The following PCDHGA3 variants were observed in gnomAD, a reference collection of about 807,000 sequenced individuals.
PCDHGA3 encodes protocadherin gamma-A3.
In PCDHGA3, 40 loss-of-function variants were observed where a neutral mutation model predicts 58.5. The observed-to-expected ratio is 0.68, with a 90% confidence interval of 0.53 to 0.89. PCDHGA3 has a LOEUF of 0.89. Among genes scored for constraint, PCDHGA3 ranks in the 40% least tolerant of loss-of-function variants. The pLI, the probability that PCDHGA3 is intolerant of heterozygous loss-of-function variation, is 0.00. For missense variants in PCDHGA3, 1,223 were observed against 1,195.9 expected (o/e 1.02, Z -0.33); for synonymous variants, 530 against 525.7 (o/e 1.01, Z -0.11).
intron 1 of PCDHGA3, chr5:141,400,541 T>C: frequency 6.2e-7 from 1 of 1,613,832 alleles, no homozygotes; most frequent in Admixed American, 1.7e-5. Flanking sequence ...TTCATTTATG[T>C]CTATTCTTTT....
At chr5:141,354,496 G>A (rs1018182133) in intron 1 of PCDHGA3, among the ~76,000 whole-genome samples, 1 of 152,226 alleles carries the variant, frequency 6.6e-6, no homozygotes, top group African/African-American at 2.4e-5. Flanking sequence ...TGAACAGTAG[G>A]TGAGTTTTTT....
In PCDHGA3 at chr5:141,344,692, C is replaced by G. The variant is rs141617509; in HGVS notation, c.659C>G (p.Pro220Arg). 4.4e-4 allele frequency: 715 copies of G among 1,613,986 alleles called. 3 individuals carry two copies. In the African/African-American group the frequency reaches 8.4e-3, roughly 19 times the overall value. ...LVLVASDGGD[P>R]VHSGNLHIQV... is the part of the protein sequence containing the mutation. Reference sequence around the variant, plus strand: ...CTGGTTGCCTCTGATGGTGGCGACCCTGTCCACTCTGGCAACTTGCACATC... The same window carrying G: ...CTGGTTGCCTCTGATGGTGGCGACCGTGTCCACTCTGGCAACTTGCACATC... Residue 220 changes from proline to arginine, a missense_variant, in exon 1 of 4, where the codon CCT (proline) becomes CGT (arginine). Transcript: ENST00000253812.
chr5:141,405,191 C>T (rs573277021), intron 1 of PCDHGA3: 28 of 1,612,832 alleles, frequency 1.7e-5, no homozygotes, highest in South Asian at 1.6e-4. Context: ...AGATGGGGTT[C>T]GAGCTTTCCT....
chr5:141,461,988 T>A (rs771762127), intron 1 of PCDHGA3, among the ~76,000 whole-genome samples: 1 of 152,170 alleles, frequency 6.6e-6, no homozygotes, highest in Non-Finnish European at 1.5e-5. Flanking sequence ...CACGCCAGGC[T>A]AATTTTGTAT....
intron 1 of PCDHGA3, chr5:141,355,996 G>C (rs1377286666): frequency 1.2e-6 from 2 of 1,613,764 alleles, no homozygotes; most frequent in Non-Finnish European, 1.7e-6. Flanking sequence ...CACCGTAAAA[G>C]CCACTGATCC....
chr5:141,361,219 C>T, intron 1 of PCDHGA3: 2 of 1,613,924 alleles, frequency 1.2e-6, no homozygotes, highest in Non-Finnish European at 1.7e-6. Flanking sequence ...GGATTCGCCA[C>T]CAGGAACAGT....
chr5:141,419,361 T>C, intron 1 of PCDHGA3: 1 of 1,613,794 alleles, frequency 6.2e-7, no homozygotes, highest in Non-Finnish European at 8.5e-7. Context: ...TCACGAACGC[T>C]GTCGTCCTAC....
chr5:141,421,512 G>T, intron 1 of PCDHGA3: 2 of 1,614,094 alleles, frequency 1.2e-6, no homozygotes, highest in Non-Finnish European at 1.7e-6. Context: ...ACCGGGAGGA[G>T]CTCTGTGAGA....
At position 141,490,328 on chromosome 5, in the gene PCDHGA3, C is replaced by T; in HGVS notation, c.2425-4479C>T. 2 of 1,614,228 alleles carry T rather than the reference C, an allele frequency of 1.2e-6. No homozygotes were observed. Among genetic ancestry groups the T allele is most frequent in the Non-Finnish European group, 1.7e-6 (2 of 1,180,048 alleles). Reference sequence around the variant, plus strand: ...TTGGCCAACCCTGTCCTAGAGAGCACACCAGTGGGCACAGTAGTGGGGTTG... The same window carrying T: ...TTGGCCAACCCTGTCCTAGAGAGCATACCAGTGGGCACAGTAGTGGGGTTG... On this transcript the variant is annotated intron_variant, in intron 1 of 3. Coordinates refer to ENST00000253812, the MANE Select transcript of PCDHGA3 (RefSeq NM_018916.4). The surrounding 1 kb of genome is among the most constrained non-coding windows in gnomAD (Gnocchi z 5.4).
At chr5:141,396,502 C>T (rs982229069) in intron 1 of PCDHGA3, 2 of 152,106 alleles carry the variant, frequency 1.3e-5, no homozygotes, top group African/African-American at 4.8e-5. Flanking sequence ...CGCCTGTGGT[C>T]CCAGCTACTC....
intron 1 of PCDHGA3, chr5:141,392,755 T>C: frequency 6.8e-7 from 1 of 1,460,466 alleles, no homozygotes; most frequent in South Asian, 1.5e-5. Context: ...GGCAAGAAAC[T>C]AAATAAGACC....
rs776295747 is a variant in PCDHGA3, at chr5:141,345,291, A to G, written c.1258A>G (p.Ile420Val). ...CCGCGAACAAATATCAGAATATAAC[A>G]TTAGTCTGAGAGCCTCAGATGGGGG... ...LDREQISEYN[I>V]SLRASDGGSP... Residue 420 changes from isoleucine (I) to valine (V), a missense_variant, in exon 1 of 4, where the codon ATT becomes GTT. Ile to Val is a conservative substitution (Grantham distance 29, BLOSUM62 3). Coordinates refer to ENST00000253812, the MANE Select transcript of PCDHGA3 (RefSeq NM_018916.4). 25 of 1,613,860 alleles carry G rather than the reference A, an allele frequency of 1.5e-5. No homozygotes were observed. Among genetic ancestry groups the G allele is most frequent in the Non-Finnish European group, 1.9e-5 (23 of 1,179,882 alleles).
Position 141,360,906 on chromosome 5 carries a change from G to C in PCDHGA3, c.2424+14449G>C, listed in dbSNP as rs781720353. On this transcript the variant is annotated intron_variant, in intron 1 of 3. Transcript: ENST00000253812. ...TCACCCTGAGGGAGGACGTGCCGCC[G>C]GGCTTCTTTGTGCTTCAAGTGACAG... 3.1e-6 allele frequency: 5 copies of C among 1,613,894 alleles called. No homozygotes were observed. In the African/African-American group the frequency reaches 6.7e-5, roughly 22 times the overall value.
chr5:141,399,972 G>A, intron 1 of PCDHGA3: 1 of 1,612,256 alleles, frequency 6.2e-7, no homozygotes. Flanking sequence ...TCTTCAGCCT[G>A]GGGCTGCGCA....
At chr5:141,361,864 A>G in intron 1 of PCDHGA3, 2 of 1,611,862 alleles carry the variant, frequency 1.2e-6, no homozygotes, top group Non-Finnish European at 1.7e-6. Context: ...CCTCTTCGAT[A>G]TGGTGCCACG....
intron 1 of PCDHGA3, chr5:141,408,379 G>C: frequency 6.2e-7 from 1 of 1,614,032 alleles, no homozygotes; most frequent in South Asian, 1.1e-5. Context: ...TCAGTGTCCT[G>C]GATGTGTCGG....
chr5:141,375,701 C>T (rs768533909), intron 1 of PCDHGA3: 7 of 1,614,256 alleles, frequency 4.3e-6, no homozygotes, highest in South Asian at 1.1e-5. Context: ...CAGCGGGGAC[C>T]CGCCTCTTAG....
intron 1 of PCDHGA3, chr5:141,388,888 T>C: frequency 6.2e-7 from 1 of 1,613,774 alleles, no homozygotes; most frequent in Non-Finnish European, 8.5e-7. Flanking sequence ...GAGGTAGAAG[T>C]CATAGATGAA....
At chr5:141,371,039 G>A (rs1233349729) in intron 1 of PCDHGA3, 1 of 1,613,848 alleles carries the variant, frequency 6.2e-7, no homozygotes, top group Admixed American at 1.7e-5. Context: ...TCACAGCTGT[G>A]GATGGGGGCG....
Sources: gnomAD v4.1 joint callset for allele counts (sites outside exome capture counted in the v4.1 genomes callset) on GRCh38, gnomAD v4.1.1 for gene constraint, Gnocchi (gnomAD v3.1) non-coding constraint, MANE v1.5 for transcripts, NCBI Gene and HGNC (gene_info 2026-07-23, HGNC 2026-07-21) for gene names.